TOM1L2: variants seen among roughly 807,000 people sequenced by gnomAD.
TOM1L2 encodes TOM1-like protein 2.
TOM1L2 carries 31 observed loss-of-function variants against 67.9 expected under a neutral mutation model. The ratio of observed to expected loss-of-function variants is 0.46; its 90% CI spans 0.34 to 0.62. The LOEUF (loss-of-function observed/expected upper bound fraction) is 0.62. Ranked by LOEUF, TOM1L2 falls within the 20% of genes least tolerant of loss-of-function variation. TOM1L2 has a pLI of 0.01. For synonymous variants in TOM1L2, 256 were observed against 254.0 expected (o/e 1.01, Z -0.07); for missense variants, 606 against 663.5 (o/e 0.91, Z 0.95).
chr17:17,883,954 T>G (rs920460595), intron 5 of TOM1L2, among the ~76,000 whole-genome samples: 6 of 150,908 alleles, frequency 4.0e-5, no homozygotes, highest in African/African-American at 1.5e-4. Context: ...AGGAGTGGAG[T>G]TGATTCCCAG....
At chr17:17,867,963 C>T (rs184179818) in intron 8 of TOM1L2, among the ~76,000 whole-genome samples, 3 of 152,220 alleles carry the variant, frequency 2.0e-5, no homozygotes, top group African/African-American at 7.2e-5. Flanking sequence ...GACACTCTAA[C>T]CAGGATAGCA....
chr17:17,908,252 T>G (rs779971888), intron 1 of TOM1L2, among the ~76,000 whole-genome samples: 4 of 152,172 alleles, frequency 2.6e-5, no homozygotes, highest in East Asian at 1.9e-4. Context: ...GATTGCCACA[T>G]GCAAAAGAAT....
intron 7 of TOM1L2, 48 bp from the exon 8 acceptor site, chr17:17,869,521 T>C (rs1452157926): frequency 6.4e-7 from 1 of 1,551,414 alleles, no homozygotes; most frequent in Non-Finnish European, 8.7e-7. Context: ...GTGCTTTTCG[T>C]CACATTCTAT....
intron 12 of TOM1L2, chr17:17,851,214 T>A: frequency 2.0e-6 from 1 of 504,764 alleles, no homozygotes; most frequent in East Asian, 3.5e-5. Flanking sequence ...GCTGTACGCG[T>A]TCTTGAAATG....
intron 7 of TOM1L2, among the ~76,000 whole-genome samples, chr17:17,870,837 A>G (rs1188488097): frequency 6.6e-6 from 1 of 152,230 alleles, no homozygotes; most frequent in Non-Finnish European, 1.5e-5. Flanking sequence ...AAAGCCCAGT[A>G]ATCATCTGCT....
intron 1 of TOM1L2, among the ~76,000 whole-genome samples, chr17:17,929,148 G>A (rs2040221973): frequency 1.3e-5 from 2 of 152,206 alleles, no homozygotes; most frequent in African/African-American, 2.4e-5. Context: ...AAGGGTACAA[G>A]CCAGAATGCA....
At chr17:17,904,757 C>G (rs4925132) in intron 2 of TOM1L2, among the ~76,000 whole-genome samples, 1,670 of 152,298 alleles carry the variant, frequency 0.011, 33 homozygotes, top group African/African-American at 0.039. Flanking sequence ...GTCACCCTGT[C>G]TATCCTAGAC....
intron 2 of TOM1L2, among the ~76,000 whole-genome samples, chr17:17,900,169 C>G (rs1268245111): frequency 1.3e-5 from 2 of 151,106 alleles, no homozygotes; most frequent in African/African-American, 4.9e-5. Context: ...GCTGAGATCA[C>G]GCCATTGTAC....
chr17:17,872,623 G>A (rs1166004011), intron 7 of TOM1L2, among the ~76,000 whole-genome samples: 3 of 152,246 alleles, frequency 2.0e-5, no homozygotes, highest in Non-Finnish European at 2.9e-5. Context: ...CCGGGCCACC[G>A]TGCGGGTCTC....
chr17:17,940,819 C>T (rs1465700397), intron 1 of TOM1L2, among the ~76,000 whole-genome samples: 1 of 152,168 alleles, frequency 6.6e-6, no homozygotes, highest in Non-Finnish European at 1.5e-5. Flanking sequence ...AAAGCTTTAG[C>T]TAGTTAAGTG....
chr17:17,876,508 G>A (rs902539077), intron 7 of TOM1L2, among the ~76,000 whole-genome samples: 1 of 152,222 alleles, frequency 6.6e-6, no homozygotes, highest in Admixed American at 6.5e-5. Context: ...TCTTGTTCTA[G>A]TGTCTAAGAA....
chr17:17,874,201 G>A (rs777423892), intron 7 of TOM1L2, among the ~76,000 whole-genome samples: 12 of 151,940 alleles, frequency 7.9e-5, no homozygotes, highest in Non-Finnish European at 1.3e-4. Context: ...TGATCTGCCC[G>A]CCTTAGCCTC....
At chr17:17,936,460 C>T (rs920497060) in intron 1 of TOM1L2, among the ~76,000 whole-genome samples, 1 of 151,952 alleles carries the variant, frequency 6.6e-6, no homozygotes, top group Non-Finnish European at 1.5e-5. Flanking sequence ...ACAAGCATAC[C>T]CTTTGACATG....
chr17:17,939,790 T>C (rs2040655988), intron 1 of TOM1L2, among the ~76,000 whole-genome samples: 1 of 152,206 alleles, frequency 6.6e-6, no homozygotes, highest in South Asian at 2.1e-4. Context: ...AATGAAAGTA[T>C]AAGTAAGGGA....
chr17:17,859,644 G>C (rs2036443826), intron 12 of TOM1L2: 1 of 152,212 alleles, frequency 6.6e-6, no homozygotes, highest in Non-Finnish European at 1.5e-5. Flanking sequence ...ACTTTGGGAG[G>C]CCAAGACGGG....
chr17:17,935,934 A>G (rs1158747592), intron 1 of TOM1L2, among the ~76,000 whole-genome samples: 1 of 152,242 alleles, frequency 6.6e-6, no homozygotes, highest in Non-Finnish European at 1.5e-5. Context: ...GGTCTCCCAG[A>G]AGGGAGGTCT....
intron 1 of TOM1L2, among the ~76,000 whole-genome samples, chr17:17,960,881 C>T (rs980359042): frequency 1.3e-5 from 2 of 151,990 alleles, no homozygotes; most frequent in Non-Finnish European, 2.9e-5. Context: ...GTGTTAGATT[C>T]GACTGAAAGA....
At position 17,866,902 on chromosome 17, in the gene TOM1L2, G is replaced by A. The variant is rs769833356; in HGVS notation, c.934C>T (p.Arg312Ter). The A allele has an allele frequency of 1.9e-6, 3 of 1,613,926 alleles. No individual in the cohort carries two copies. Among genetic ancestry groups the A allele is most frequent in the Admixed American group, 1.7e-5 (1 of 59,998 alleles). Reference sequence around the variant, plus strand: ...CCATTACTGGCATTTTGAACGGATCGGCCAGACCTGTATCGTTCGAACCTA... The same window carrying A: ...CCATTACTGGCATTTTGAACGGATCAGCCAGACCTGTATCGTTCGAACCTA... ...YERFERYRSGRSVQNASNGVL... is the reference protein window; with the variant it reads ...YERFERYRSG Residue 312 changes from arginine to a stop codon, truncating the protein, a stop_gained, in exon 9 of 15, where the codon CGA becomes TGA. Coordinates refer to ENST00000379504, the MANE Select transcript of TOM1L2 (RefSeq NM_001082968.2). LOFTEE classifies it high-confidence loss of function.
At position 17,844,213 on chromosome 17, in the gene TOM1L2, G is replaced by A. The variant is rs2035527308; in HGVS notation, c.*3422C>T. The A allele has an allele frequency of 6.6e-6, 1 of 152,300 alleles. No homozygotes were observed. The highest frequency in any genetic ancestry group is 2.4e-5 in the African/African-American group (1 of 41,474). 9.4% of individuals were successfully genotyped at this position (152,300 alleles called of 1,614,324 possible). ...CCTACCCCAAGCCATCCAGAAGGCT[G>A]GGCCCAACTGAGTTAGAGATGCGTG... On this transcript the variant is annotated 3_prime_UTR_variant, in exon 15 of 15. Coordinates refer to ENST00000379504, the MANE Select transcript of TOM1L2 (RefSeq NM_001082968.2).
Sources: allele counts gnomAD v4.1 joint callset (sites outside exome capture counted in the v4.1 genomes callset), GRCh38; gene constraint gnomAD v4.1.1; transcripts MANE v1.5; gene names NCBI Gene and HGNC (gene_info 2026-07-23, HGNC 2026-07-21).